Variants in TRIM64B observed in about 807,000 individuals in gnomAD.
The protein encoded by TRIM64B is tripartite motif containing 64B.
For missense variants in TRIM64B, 57 were observed against 536.4 expected, an observed-to-expected ratio of 0.11 and a Z score of 8.83; for synonymous variants, 17 against 190.3, an observed-to-expected ratio of 0.09 and a Z score of 7.50.
upstream of TRIM64B, among the ~76,000 whole-genome samples, chr11:89,877,574 C>A (rs1404293542): frequency 1.4e-5 from 2 of 147,436 alleles, no homozygotes; most frequent in Non-Finnish European, 3.0e-5. Flanking sequence ...TTGGTTAGAT[C>A]TATTGATCTA....
intron 5 of TRIM64B, 119 bp from the exon 7 acceptor site, chr11:89,871,233 G>T (rs1950104901): frequency 6.9e-7 from 1 of 1,457,242 alleles, no homozygotes; most frequent in African/African-American, 1.4e-5. Context: ...AGCCAAGAGG[G>T]GTCAGCCCCA....
chr11:89,876,902 G>T (rs548916361), upstream of TRIM64B, among the ~76,000 whole-genome samples: 1 of 149,058 alleles, frequency 6.7e-6, no homozygotes, highest in African/African-American at 2.4e-5. Flanking sequence ...TAAACAAGCC[G>T]TGCTCTCAGT....
upstream of TRIM64B, among the ~76,000 whole-genome samples, chr11:89,878,081 GGT>G (rs1401369278): frequency 6.9e-6 from 1 of 145,602 alleles, no homozygotes; most frequent in Admixed American, 6.9e-5. Flanking sequence ...CCCACATTCT[GGT>G]GAACATTTTA....
upstream of TRIM64B, among the ~76,000 whole-genome samples, chr11:89,877,072 A>T (rs1295416350): frequency 1.4e-5 from 2 of 139,252 alleles, no homozygotes; most frequent in Non-Finnish European, 3.2e-5. Context: ...ATGATAATAT[A>T]TGAAAGACAC....
At chr11:89,874,371 T>C (rs1166444261) in intron 2 of TRIM64B, 92 bp from the exon 4 acceptor site, 7 of 694,130 alleles carry the variant, frequency 1.0e-5, no homozygotes, top group Non-Finnish European at 1.5e-5. Context: ...AAGCAACTTA[T>C]AAACTTTCTG....
chr11:89,877,734 C>A (rs1257001607), upstream of TRIM64B, among the ~76,000 whole-genome samples: 5 of 149,518 alleles, frequency 3.3e-5, no homozygotes, highest in Non-Finnish European at 7.5e-5. Context: ...ATTCTCCTGC[C>A]GCAGCCTCCT....
intron 2 of TRIM64B, among the ~76,000 whole-genome samples, chr11:89,874,674 T>TATA (rs1950145208): frequency 2.8e-5 from 3 of 108,272 alleles, no homozygotes; most frequent in Admixed American, 1.1e-4. Flanking sequence ...ATTCTATTTC[T>TATA]TTCGTCTTCC....
upstream of TRIM64B, among the ~76,000 whole-genome samples, chr11:89,876,676 C>G (rs377355737): frequency 3.8e-3 from 558 of 147,972 alleles, 6 homozygotes; most frequent in Non-Finnish European, 5.9e-3. Context: ...GAGCCGAGAT[C>G]GCACCACTGC....
chr11:89,871,440 T>G (rs567465241), intron 5 of TRIM64B, among the ~76,000 whole-genome samples: 1 of 152,196 alleles, frequency 6.6e-6, no homozygotes, highest in Non-Finnish European at 1.5e-5. Context: ...TATTATTTGT[T>G]TTTAAGATCA....
At chr11:89,872,844 G>A (rs1400100703) in intron 4 of TRIM64B, among the ~76,000 whole-genome samples, 1 of 151,730 alleles carries the variant, frequency 6.6e-6, no homozygotes, top group Non-Finnish European at 1.5e-5. Context: ...TGATGGAGCA[G>A]GCCCGGGTCA....
At chr11:89,875,254 A>G (rs1487168371) in intron 1 of TRIM64B, among the ~76,000 whole-genome samples, 181 bp from the exon 3 acceptor site, 1 of 152,244 alleles carries the variant, frequency 6.6e-6, no homozygotes, top group Non-Finnish European at 1.5e-5. Context: ...TGATAGAAAC[A>G]TAATAGAGAG....
upstream of TRIM64B, among the ~76,000 whole-genome samples, chr11:89,877,965 G>C (rs1180292047): frequency 2.7e-5 from 4 of 148,366 alleles, no homozygotes; most frequent in African/African-American, 9.7e-5. Context: ...TCTGCAAATT[G>C]CAAATTTTGA....
intron 5 of TRIM64B, among the ~76,000 whole-genome samples, chr11:89,871,395 A>G (rs1950106441): frequency 6.6e-6 from 1 of 152,232 alleles, no homozygotes; most frequent in Non-Finnish European, 1.5e-5. Flanking sequence ...GCATATGCAA[A>G]ATGTTTTTTT....
upstream of TRIM64B, among the ~76,000 whole-genome samples, chr11:89,877,584 A>G (rs1475937155): frequency 7.2e-6 from 1 of 139,254 alleles, no homozygotes; most frequent in Non-Finnish European, 1.6e-5. Flanking sequence ...CTATTGATCT[A>G]TTTTCTTTCT....
intron 5 of TRIM64B, among the ~76,000 whole-genome samples, chr11:89,871,886 C>A (rs1950112097): frequency 2.5e-5 from 1 of 40,648 alleles, no homozygotes; most frequent in African/African-American, 1.1e-4. Context: ...AAATCTAAGC[C>A]TTCAAAATTG....
chr11:89,877,515 C>T (rs1950172546), upstream of TRIM64B, among the ~76,000 whole-genome samples: 1 of 147,622 alleles, frequency 6.8e-6, no homozygotes, highest in African/African-American at 2.4e-5. Flanking sequence ...GCCAATTCAC[C>T]TTTCGCTTAG....
At chr11:89,875,106 A>C (rs2134709674) in intron 1 of TRIM64B, 33 bp from the exon 3 acceptor site, 1 of 1,542,314 alleles carries the variant, frequency 6.5e-7, no homozygotes, top group East Asian at 2.5e-5. Context: ...AGCAATAATG[A>C]AGACAGTATA....
upstream of TRIM64B, among the ~76,000 whole-genome samples, chr11:89,877,704 C>G (rs1950174123): frequency 6.7e-6 from 1 of 149,238 alleles, no homozygotes; most frequent in Non-Finnish European, 1.5e-5. Flanking sequence ...ACTGCAAGCT[C>G]CACCTCCCAG....
At chr11:89,871,499 T>C (rs1590884298) in intron 5 of TRIM64B, among the ~76,000 whole-genome samples, 1 of 152,030 alleles carries the variant, frequency 6.6e-6, no homozygotes, top group African/African-American at 2.4e-5. Context: ...TATTGGAATG[T>C]AAGTTATGCC....
Sources: allele counts gnomAD v4.1 joint callset (sites outside exome capture counted in the v4.1 genomes callset), GRCh38; gene constraint gnomAD v4.1.1; transcripts MANE v1.5; gene names NCBI Gene and HGNC (gene_info 2026-07-23, HGNC 2026-07-21).